Variants in CAMKMT observed in about 807,000 individuals in gnomAD.
CAMKMT encodes the protein calmodulin-lysine N-methyltransferase, also known as CaM KMT.
A neutral mutation model predicts 48.0 loss-of-function variants in CAMKMT; 53 were observed. The observed-to-expected ratio is 1.10, with a 90% CI of 0.89 to 1.39. The LOEUF is 1.39. Ranked by LOEUF, CAMKMT falls within the 40% of genes most tolerant of loss-of-function variation. CAMKMT has a pLI of 0.00. For synonymous variants in CAMKMT, 165 were observed against 152.3 expected (o/e 1.08, Z -0.61); for missense variants, 428 against 402.7 (o/e 1.06, Z -0.54).
At chr2:44,401,784 G>A (rs1572770994) in intron 3 of CAMKMT, among the ~76,000 whole-genome samples, 3 of 151,760 alleles carry the variant, frequency 2.0e-5, no homozygotes, top group Non-Finnish European at 4.4e-5. Context: ...TCTTGCTTTC[G>A]GAGTCTTTTC....
chr2:44,566,541 G>T (rs1365526652), intron 3 of CAMKMT, among the ~76,000 whole-genome samples: 2 of 152,132 alleles, frequency 1.3e-5, no homozygotes, highest in African/African-American at 4.8e-5. Context: ...TGTCCTAAAG[G>T]CCTGTGAGCC....
At chr2:44,362,259 G>A in intron 1 of CAMKMT, 114 bp downstream of exon 1, 3 of 992,442 alleles carry the variant, frequency 3.0e-6, no homozygotes, top group Non-Finnish European at 2.7e-6. Flanking sequence ...ACCCTTCTCA[G>A]TTTGCCGGGA....
intron 3 of CAMKMT, among the ~76,000 whole-genome samples, chr2:44,614,283 G>T (rs1037237734): frequency 4.6e-5 from 7 of 152,190 alleles, no homozygotes; most frequent in Non-Finnish European, 8.8e-5. Flanking sequence ...TCTTCCCTGT[G>T]CCAGGGACTG....
chr2:44,608,265 G>A (rs1671408558), intron 3 of CAMKMT, among the ~76,000 whole-genome samples: 1 of 151,526 alleles, frequency 6.6e-6, no homozygotes, highest in African/African-American at 2.4e-5. Flanking sequence ...GTAGAGACGG[G>A]GTTTCACCGT....
chr2:44,613,266 A>C lies in CAMKMT; in HGVS notation c.377-91017A>C, dbSNP rs145593336. 5.5e-3 allele frequency among the ~76,000 whole-genome samples: 845 copies of C among 152,326 alleles called. 3 individuals are homozygous for C. Among genetic ancestry groups the C allele is most frequent in the Admixed American group, 8.1e-3 (124 of 15,306 alleles). On this transcript the variant is annotated intron_variant, in intron 3 of 10. Coordinates refer to ENST00000378494, the MANE Select transcript of CAMKMT (RefSeq NM_024766.5). ...GCAGAACAAGGATACCAGTTGTTAAAATACTGAAATATTTCCTTACTGGTA... is the reference window on the plus strand; with the variant it reads ...GCAGAACAAGGATACCAGTTGTTAACATACTGAAATATTTCCTTACTGGTA...
rs548381217 is a variant in CAMKMT, at chr2:44,584,096, A to G, written c.377-120187A>G. ...GCTCCTGGATTGTTTTTCGAGTTTC[A>G]GATAAATGAAATCACATAGTATGTA... On this transcript the variant is annotated intron_variant, in intron 3 of 10. Coordinates refer to ENST00000378494, the MANE Select transcript of CAMKMT (RefSeq NM_024766.5). Among the ~76,000 whole-genome samples the G allele has an allele frequency of 7.2e-5, 11 of 152,310 alleles. No individual in the cohort carries two copies. The South Asian group carries it at 1.0e-3, about 14-fold the overall frequency.
At chr2:44,720,654 G>C (rs1457052813) in intron 7 of CAMKMT, among the ~76,000 whole-genome samples, 4 of 152,104 alleles carry the variant, frequency 2.6e-5, no homozygotes, top group Non-Finnish European at 5.9e-5. Context: ...GCTGCAGTGA[G>C]ACACATCTTT....
At chr2:44,737,543 C>T (rs773617527) in intron 7 of CAMKMT, among the ~76,000 whole-genome samples, 18 of 152,294 alleles carry the variant, frequency 1.2e-4, no homozygotes, top group Non-Finnish European at 1.9e-4. Flanking sequence ...GGACTCTACA[C>T]AATGCTTGTA....
chr2:44,366,223 T>G (rs1199631178), intron 1 of CAMKMT, among the ~76,000 whole-genome samples: 3 of 152,226 alleles, frequency 2.0e-5, no homozygotes, highest in Non-Finnish European at 4.4e-5. Flanking sequence ...TTTAATTTGT[T>G]ATTTTGAAGA....
intron 3 of CAMKMT, among the ~76,000 whole-genome samples, chr2:44,460,869 C>T (rs1667813547): frequency 6.6e-6 from 1 of 151,146 alleles, no homozygotes; most frequent in Non-Finnish European, 1.5e-5. Flanking sequence ...ATCACAGGCG[C>T]ATACCACCAC....
chr2:44,397,878 A>C (rs577336482), intron 3 of CAMKMT, among the ~76,000 whole-genome samples: 1 of 152,216 alleles, frequency 6.6e-6, no homozygotes, highest in Non-Finnish European at 1.5e-5. Flanking sequence ...ATATGCCTTA[A>C]TCAGTGCAAT....
intron 3 of CAMKMT, among the ~76,000 whole-genome samples, chr2:44,614,495 C>T (rs571286005): frequency 4.5e-4 from 68 of 152,218 alleles, no homozygotes; most frequent in Non-Finnish European, 8.4e-4. Context: ...GAGAGCAAAA[C>T]GGACCAAAAT....
chr2:44,412,847 G>A (rs1425749499), intron 3 of CAMKMT, among the ~76,000 whole-genome samples: 1 of 151,818 alleles, frequency 6.6e-6, no homozygotes, highest in Non-Finnish European at 1.5e-5. Flanking sequence ...AGGCGGAGGT[G>A]GGCAGATTAC....
intron 3 of CAMKMT, among the ~76,000 whole-genome samples, chr2:44,573,891 ATACTC>A (rs761111444): frequency 9.2e-5 from 14 of 152,178 alleles, no homozygotes; most frequent in Non-Finnish European, 1.9e-4. Flanking sequence ...CTATTTCTGA[ATACTC>A]TATTATGTCT....
intron 3 of CAMKMT, among the ~76,000 whole-genome samples, chr2:44,478,302 T>C (rs1668791093): frequency 6.6e-6 from 1 of 152,196 alleles, no homozygotes; most frequent in Admixed American, 6.5e-5. Flanking sequence ...GTCTATATAT[T>C]TTTTTTCTTG....
intron 2 of CAMKMT, among the ~76,000 whole-genome samples, chr2:44,389,734 G>T (rs950799323): frequency 2.6e-5 from 4 of 152,192 alleles, no homozygotes; most frequent in Admixed American, 6.5e-5. Flanking sequence ...ATTAAGATTA[G>T]TGGGCAAAAG....
At chr2:44,400,954 A>T (rs1682322621) in intron 3 of CAMKMT, 1 of 114,330 alleles carries the variant, frequency 8.7e-6, no homozygotes, top group Non-Finnish European at 1.9e-5. Flanking sequence ...ATATATATAT[A>T]TATATATGTA....
At chr2:44,699,405 T>C (rs1450565673) in intron 3 of CAMKMT, among the ~76,000 whole-genome samples, 1 of 152,210 alleles carries the variant, frequency 6.6e-6, no homozygotes, top group Middle Eastern at 3.2e-3. Context: ...TCAGTGCCCT[T>C]TGGTGACCAG....
chr2:44,448,588 A>G (rs190830591), intron 3 of CAMKMT, among the ~76,000 whole-genome samples: 9 of 152,338 alleles, frequency 5.9e-5, no homozygotes, highest in Non-Finnish European at 8.8e-5. Flanking sequence ...TGTGTATTCT[A>G]TCTTGTAAGT....
Sources: allele counts gnomAD v4.1 joint callset (sites outside exome capture counted in the v4.1 genomes callset), GRCh38; gene constraint gnomAD v4.1.1; transcripts MANE v1.5; gene names NCBI Gene and HGNC (gene_info 2026-07-23, HGNC 2026-07-21).